The following GRM1 variants were observed in gnomAD, a reference collection of about 807,000 sequenced individuals.
GRM1 encodes metabotropic glutamate receptor 1.
GRM1 carries 33 observed loss-of-function variants against 90.9 expected under a neutral mutation model. That is an observed-to-expected ratio of 0.36 (90% CI 0.28 to 0.49). The LOEUF is 0.49. Ranked by LOEUF, GRM1 falls within the 20% of genes least tolerant of loss-of-function variation. The pLI, the probability that GRM1 is intolerant of heterozygous loss-of-function variation, is 0.99. For synonymous variants in GRM1, 700 were observed against 613.2 expected, an observed-to-expected ratio of 1.14 and a Z score of -2.09; for missense variants, 1,190 against 1,534.3, an observed-to-expected ratio of 0.78 and a Z score of 3.75.
At chr6:146,384,599 T>G (rs1244377573) in intron 5 of GRM1, among the ~76,000 whole-genome samples, 4 of 152,076 alleles carry the variant, frequency 2.6e-5, no homozygotes, top group African/African-American at 9.7e-5. Flanking sequence ...ACACAATGTC[T>G]TGCATCTAGC....
intron 2 of GRM1, among the ~76,000 whole-genome samples, chr6:146,237,180 T>G (rs536209314): frequency 6.6e-6 from 1 of 152,182 alleles, no homozygotes; most frequent in African/African-American, 2.4e-5. Flanking sequence ...TTTGCAGATT[T>G]TCCTATATAT....
At chr6:146,177,013 A>G (rs1185711753) in intron 2 of GRM1, among the ~76,000 whole-genome samples, 6 of 152,116 alleles carry the variant, frequency 3.9e-5, no homozygotes, top group African/African-American at 1.4e-4. Context: ...CCTGCATGCC[A>G]TTAGACCAAT....
Position 146,385,373 on chromosome 6 carries a change from A to T in GRM1, c.1603-1517A>T, listed in dbSNP as rs1776464967. On this transcript the variant is annotated intron_variant, in intron 5 of 7. Transcript: ENST00000282753. ...TAATAATAATAATCTTTAACCTAGA[A>T]TTCCATTCCCTAGGACAATGGAATG... 3.9e-5 allele frequency among the ~76,000 whole-genome samples: 6 copies of T among 152,174 alleles called. No homozygotes were observed. The South Asian group carries it at 1.2e-3, about 32-fold the overall frequency.
intron 1 of GRM1, among the ~76,000 whole-genome samples, chr6:146,075,862 G>T (rs1776167110): frequency 6.6e-6 from 1 of 152,094 alleles, no homozygotes; most frequent in Non-Finnish European, 1.5e-5. Context: ...GTCTCTGAAT[G>T]TCCACTCCTC....
At chr6:146,336,490 C>T (rs976650402) in intron 3 of GRM1, among the ~76,000 whole-genome samples, 2 of 152,152 alleles carry the variant, frequency 1.3e-5, no homozygotes, top group Non-Finnish European at 2.9e-5. Flanking sequence ...ATACAGCAAA[C>T]GATGGGGGAA....
intron 1 of GRM1, among the ~76,000 whole-genome samples, chr6:146,056,261 A>C (rs1775475872): frequency 6.6e-6 from 1 of 152,142 alleles, no homozygotes; most frequent in South Asian, 2.1e-4. Context: ...TGAGGCTACA[A>C]GGGTAACTGT....
intron 5 of GRM1, among the ~76,000 whole-genome samples, chr6:146,370,224 T>C (rs1775847733): frequency 6.6e-6 from 1 of 152,092 alleles, no homozygotes; most frequent in African/African-American, 2.4e-5. Flanking sequence ...GAAAGGTATC[T>C]AACTTTGTTC....
chr6:146,184,118 T>TA (rs1778640955), intron 2 of GRM1, among the ~76,000 whole-genome samples: 3 of 152,016 alleles, frequency 2.0e-5, no homozygotes, highest in Admixed American at 1.3e-4. Flanking sequence ...TGCCAGATGA[T>TA]AAAAAAAGGT....
rs202096940 is a variant in GRM1 at position 146,074,708 on chromosome 6, CT to C, written c.700+44495del. Among the ~76,000 whole-genome samples the C allele has an allele frequency of 5.8e-3, 887 of 152,204 alleles. 10 individuals carry two copies. The highest frequency in any genetic ancestry group is 0.02 in the African/African-American group (842 of 41,538). ...TCTTAAATTTCTTTGGCCCCTTTTG[CT>C]TTTGGCTGGGATTACTTGGACTTTT... On this transcript the variant is annotated intron_variant, in intron 1 of 7. Transcript: ENST00000282753.
At chr6:146,126,298 A>G (rs890292381) in intron 1 of GRM1, among the ~76,000 whole-genome samples, 2 of 152,150 alleles carry the variant, frequency 1.3e-5, no homozygotes, top group Non-Finnish European at 2.9e-5. Context: ...TAAAGTAGAG[A>G]AAAATATAAA....
intron 2 of GRM1, among the ~76,000 whole-genome samples, chr6:146,210,349 A>T (rs779756887): frequency 6.6e-6 from 1 of 152,244 alleles, no homozygotes. Flanking sequence ...GTATTAAACT[A>T]GAAAATAAGT....
At chr6:146,122,839 CTTTTTTTTT>C (rs57859188) in intron 1 of GRM1, among the ~76,000 whole-genome samples, 6 of 62,200 alleles carry the variant, frequency 9.6e-5, no homozygotes, top group Non-Finnish European at 1.7e-4. Context: ...TCTTTTCTTT[CTTTTTTTTT>C]TTTTTTTTTT....
At chr6:146,282,559 A>C (rs956004315) in intron 2 of GRM1, among the ~76,000 whole-genome samples, 1 of 138,014 alleles carries the variant, frequency 7.2e-6, no homozygotes. Context: ...ACACCCCACC[A>C]AAAAAAAAAA....
At chr6:146,160,993 T>C (rs1777702821) in intron 2 of GRM1, among the ~76,000 whole-genome samples, 3 of 151,860 alleles carry the variant, frequency 2.0e-5, no homozygotes, top group Admixed American at 6.6e-5. Flanking sequence ...TTCTAAGGAG[T>C]ATTTAAATAA....
chr6:146,260,804 G>T (rs199707274), intron 2 of GRM1, among the ~76,000 whole-genome samples: 29 of 22,736 alleles, frequency 1.3e-3, no homozygotes, highest in East Asian at 0.01. Flanking sequence ...GGTTATTTGG[G>T]TTTTTTTTTT....
chr6:146,348,852 T>C (rs138479407), intron 3 of GRM1, among the ~76,000 whole-genome samples: 1 of 152,300 alleles, frequency 6.6e-6, no homozygotes, highest in Non-Finnish European at 1.5e-5. Flanking sequence ...CCTCTGTAGA[T>C]TTCTATACCT....
At chr6:146,054,122 T>C (rs1775399379) in intron 1 of GRM1, among the ~76,000 whole-genome samples, 1 of 152,064 alleles carries the variant, frequency 6.6e-6, no homozygotes, top group Non-Finnish European at 1.5e-5. Context: ...ACCTTGATAT[T>C]CCCCTGAATT....
chr6:146,028,436 C>T (rs944779339), upstream of GRM1, among the ~76,000 whole-genome samples: 8 of 151,922 alleles, frequency 5.3e-5, no homozygotes. Context: ...CAGGCTGCCG[C>T]GGCGAGAGCA....
chr6:146,076,885 C>T (rs1324606647), intron 1 of GRM1, among the ~76,000 whole-genome samples: 1 of 152,066 alleles, frequency 6.6e-6, no homozygotes, highest in African/African-American at 2.4e-5. Flanking sequence ...TGTGTTATCC[C>T]TGCGTATACC....
Sources: gnomAD v4.1 joint callset for allele counts (sites outside exome capture counted in the v4.1 genomes callset) on GRCh38, gnomAD v4.1.1 for gene constraint, MANE v1.5 for transcripts, NCBI Gene and HGNC (gene_info 2026-07-23, HGNC 2026-07-21) for gene names.